Variants in DPCD observed in about 807,000 individuals in gnomAD.
The protein encoded by DPCD is deleted in primary ciliary dyskinesia homolog (mouse).
In DPCD, 20 loss-of-function variants were observed where a neutral mutation model predicts 26.4. The ratio of observed to expected loss-of-function variants is 0.76; its 90% CI spans 0.53 to 1.10. DPCD has a LOEUF of 1.10. Among genes scored for constraint, DPCD ranks in the 50% least tolerant of loss-of-function variants. The pLI, the probability that DPCD is intolerant of heterozygous loss-of-function variation, is 0.00. For synonymous variants in DPCD, 97 were observed against 94.2 expected (o/e 1.03, Z -0.17); for missense variants, 202 against 253.9 (o/e 0.80, Z 1.39).
At chr10:101,589,790 A>G (rs1382785224) in intron 1 of DPCD, among the ~76,000 whole-genome samples, 1 of 152,198 alleles carries the variant, frequency 6.6e-6, no homozygotes, top group Non-Finnish European at 1.5e-5. Context: ...AGGCTGAGGC[A>G]GGAGAATCGC....
intron 2 of DPCD, among the ~76,000 whole-genome samples, chr10:101,597,112 G>A (rs1380801161): frequency 6.6e-6 from 1 of 152,202 alleles, no homozygotes; most frequent in Non-Finnish European, 1.5e-5. Context: ...ACCAGCCTGA[G>A]AAGAACACAG....
intron 4 of DPCD, among the ~76,000 whole-genome samples, chr10:101,605,683 C>G (rs1364151592): frequency 3.9e-5 from 6 of 152,170 alleles, no homozygotes; most frequent in Admixed American, 3.9e-4. Flanking sequence ...TGTTCGGACC[C>G]CAGGGGAGAC....
rs574385107 is a variant in DPCD at position 101,601,766 on chromosome 10, G to T, written c.404+430G>T. Among the ~76,000 whole-genome samples, 98 of 152,216 alleles carry T rather than the reference G, an allele frequency of 6.4e-4. 1 individual carries two copies. Among genetic ancestry groups the T allele is most frequent in the Non-Finnish European group, 1.2e-3 (83 of 68,012 alleles). On this transcript the variant is annotated intron_variant, in intron 4 of 5. Coordinates refer to ENST00000370151, the MANE Select transcript of DPCD (RefSeq NM_015448.3). The stretch of plus-strand genomic sequence containing the variant: ...AGCTTGGAAGGCACCCCTGTCTGAA[G>T]TGGGAGTGACAGTCCTTTAAAGCAG...
chr10:101,589,618 G>A (rs1197485836), intron 1 of DPCD, among the ~76,000 whole-genome samples: 1 of 152,028 alleles, frequency 6.6e-6, no homozygotes, highest in Non-Finnish European at 1.5e-5. Context: ...GGTGGTTCAC[G>A]CCTGTAATCC....
chr10:101,600,967 C>T lies in DPCD; in HGVS notation c.270+105C>T. On this transcript the variant is annotated intron_variant, in intron 3 of 5. Coordinates refer to ENST00000370151, the MANE Select transcript of DPCD (RefSeq NM_015448.3). The surrounding 1 kb of genome is among the most constrained non-coding windows in gnomAD (Gnocchi z 4.7). Reference sequence around the variant, plus strand: ...CATGTCTTGTTCACCTCCTCGCCTCCAGTGTGCCACCTGGACACAGCACTC... The same window carrying T: ...CATGTCTTGTTCACCTCCTCGCCTCTAGTGTGCCACCTGGACACAGCACTC... 2.6e-6 allele frequency: 4 copies of T among 1,558,958 alleles called. No individual in the cohort carries two copies. The highest frequency in any genetic ancestry group is 3.5e-6 in the Non-Finnish European group (4 of 1,153,462).
intron 2 of DPCD, among the ~76,000 whole-genome samples, chr10:101,599,557 A>G (rs1426644086): frequency 6.6e-6 from 1 of 152,272 alleles, no homozygotes; most frequent in Admixed American, 6.5e-5. Context: ...TTCTAATTTT[A>G]CAGCACACTT....
At chr10:101,608,172 A>G (rs780899564) in intron 4 of DPCD, among the ~76,000 whole-genome samples, 28 of 152,108 alleles carry the variant, frequency 1.8e-4, no homozygotes, top group Non-Finnish European at 1.5e-4. Flanking sequence ...ACCATGTGTG[A>G]TATGTAAAAA....
At chr10:101,599,129 C>T (rs188028318) in intron 2 of DPCD, among the ~76,000 whole-genome samples, 2 of 152,332 alleles carry the variant, frequency 1.3e-5, no homozygotes, top group East Asian at 1.9e-4. Flanking sequence ...AATTTCCTGC[C>T]TTATTCTACA....
rs759685656 is a variant in DPCD, at chr10:101,609,475, GC to G, written c.*8del. ...TGGGGACTGCAAGACCCAGTAGTTG[GC>G]CCCTGAGCCTTATACCTCCACCACA... is the stretch of plus-strand genomic sequence containing the variant. On this transcript the variant is annotated 3_prime_UTR_variant, in exon 6 of 6. Transcript: ENST00000370151. The G allele has an allele frequency of 5.0e-6, 8 of 1,613,456 alleles. No homozygotes were observed. The highest frequency in any genetic ancestry group is 5.1e-6 in the Non-Finnish European group (6 of 1,179,724).
intron 1 of DPCD, among the ~76,000 whole-genome samples, chr10:101,591,132 T>G (rs532016415): frequency 6.6e-6 from 1 of 152,336 alleles, no homozygotes; most frequent in South Asian, 2.1e-4. Flanking sequence ...GGTATGGATA[T>G]TGTAGCATGT....
chr10:101,608,768 A>G, intron 4 of DPCD, 67 bp from the exon 5 acceptor site: 2 of 1,037,768 alleles, frequency 1.9e-6, no homozygotes, highest in African/African-American at 1.6e-5. Context: ...TAGGCAGCAG[A>G]GGGCCTGACG....
chr10:101,594,636 G>C, intron 1 of DPCD, 22 bp from the exon 2 acceptor site: 1 of 1,611,974 alleles, frequency 6.2e-7, no homozygotes, highest in Non-Finnish European at 8.5e-7. Context: ...TTGAGGTAAG[G>C]CATTCTCTGT....
At chr10:101,592,867 A>G (rs2063621456) in intron 1 of DPCD, among the ~76,000 whole-genome samples, 1 of 151,322 alleles carries the variant, frequency 6.6e-6, no homozygotes, top group South Asian at 2.1e-4. Context: ...TACAAAAATT[A>G]GCTGGGTGTG....
At chr10:101,602,538 GTCATAATA>G (rs2063705558) in intron 4 of DPCD, among the ~76,000 whole-genome samples, 1 of 152,212 alleles carries the variant, frequency 6.6e-6, no homozygotes, top group Non-Finnish European at 1.5e-5. Context: ...TAAATATAAA[GTCATAATA>G]ATAAGGGTTT....
chr10:101,594,870 C>A, intron 2 of DPCD, 132 bp downstream of exon 2: 1 of 795,080 alleles, frequency 1.3e-6, no homozygotes, highest in Non-Finnish European at 2.0e-6. Flanking sequence ...CGGAAGCCCT[C>A]GAGACAACAA....
chr10:101,604,749 G>A (rs556793170), intron 4 of DPCD, among the ~76,000 whole-genome samples: 1 of 152,116 alleles, frequency 6.6e-6, no homozygotes, highest in African/African-American at 2.4e-5. Context: ...TTTAGGCAAG[G>A]TTTCCTCATC....
intron 2 of DPCD, among the ~76,000 whole-genome samples, chr10:101,597,302 C>T (rs1293961109): frequency 6.6e-6 from 1 of 152,260 alleles, no homozygotes; most frequent in Non-Finnish European, 1.5e-5. Flanking sequence ...CCACTCGATT[C>T]CCTTCGGCCT....
intron 2 of DPCD, among the ~76,000 whole-genome samples, chr10:101,595,068 G>A (rs1273120134): frequency 1.3e-5 from 2 of 152,186 alleles, no homozygotes. Context: ...GGAGGGATAA[G>A]GGCAGACTTT....
intron 4 of DPCD, chr10:101,605,022 GAGCCTTT>G: frequency 7.0e-7 from 1 of 1,418,656 alleles, no homozygotes; most frequent in Non-Finnish European, 9.5e-7. Flanking sequence ...GTGGGGCCGA[GAGCCTTT>G]AGTATGTGTG....
Sources: gnomAD v4.1 joint callset for allele counts (sites outside exome capture counted in the v4.1 genomes callset) on GRCh38, gnomAD v4.1.1 for gene constraint, Gnocchi (gnomAD v3.1) non-coding constraint, MANE v1.5 for transcripts, NCBI Gene and HGNC (gene_info 2026-07-23, HGNC 2026-07-21) for gene names.